Variants in ACOT12 observed in about 807,000 individuals in gnomAD.
ACOT12 encodes acyl-CoA thioesterase 12, also known as acetyl-coenzyme A thioesterase.
A neutral mutation model predicts 67.7 loss-of-function variants in ACOT12; 51 were observed. The ratio of observed to expected loss-of-function variants is 0.75; its 90% CI spans 0.60 to 0.95. The LOEUF (loss-of-function observed/expected upper bound fraction) is 0.95, where lower values mean the gene tolerates loss of function less well. Ranked by LOEUF, ACOT12 falls within the 40% of genes least tolerant of loss-of-function variation. ACOT12 has a pLI of 0.00. For synonymous variants in ACOT12, 251 were observed against 244.6 expected, an observed-to-expected ratio of 1.03 and a Z score of -0.24; for missense variants, 734 against 708.1, an observed-to-expected ratio of 1.04 and a Z score of -0.41.
chr5:81,376,127 A>C (rs1156848247), intron 2 of ACOT12, among the ~76,000 whole-genome samples: 1 of 152,182 alleles, frequency 6.6e-6, no homozygotes, highest in Non-Finnish European at 1.5e-5. Context: ...AACGGAAATC[A>C]TAACAAACAG....
chr5:81,363,729 G>A (rs1333592035), intron 4 of ACOT12, 59 bp downstream of exon 4: 13 of 1,268,084 alleles, frequency 1.0e-5, no homozygotes, highest in Non-Finnish European at 1.4e-5. Context: ...ACATTCTGAT[G>A]CAATTGTTAC....
intron 1 of ACOT12, among the ~76,000 whole-genome samples, chr5:81,389,503 G>A (rs921834337): frequency 2.6e-5 from 4 of 152,030 alleles, no homozygotes; most frequent in Non-Finnish European, 5.9e-5. Flanking sequence ...ATGCCTGGAT[G>A]TATTCTTTGT....
At chr5:81,340,667 A>G (rs1759166369) in intron 11 of ACOT12, among the ~76,000 whole-genome samples, 1 of 152,208 alleles carries the variant, frequency 6.6e-6, no homozygotes, top group Non-Finnish European at 1.5e-5. Context: ...GCCCAAAAGT[A>G]TGATTCTTAA....
chr5:81,349,136 T>TA (rs1272834885), intron 5 of ACOT12, among the ~76,000 whole-genome samples: 1 of 152,206 alleles, frequency 6.6e-6, no homozygotes, highest in East Asian at 1.9e-4. Context: ...GCCCAGCAAC[T>TA]GTTGCTGCTC....
chr5:81,366,365 A>T (rs559974255), intron 3 of ACOT12, among the ~76,000 whole-genome samples: 2 of 152,350 alleles, frequency 1.3e-5, no homozygotes, highest in African/African-American at 4.8e-5. Context: ...TAATATAAAT[A>T]AAACAACAGA....
intron 2 of ACOT12, among the ~76,000 whole-genome samples, chr5:81,377,666 A>C (rs1444201643): frequency 6.6e-6 from 1 of 152,372 alleles, no homozygotes; most frequent in East Asian, 1.9e-4. Flanking sequence ...ATCAATGTGC[A>C]AAAATCACAA....
At chr5:81,336,152 G>T (rs1036486618) in intron 11 of ACOT12, among the ~76,000 whole-genome samples, 3 of 147,296 alleles carry the variant, frequency 2.0e-5, no homozygotes, top group Non-Finnish European at 4.5e-5. Flanking sequence ...TTGCACAACA[G>T]TTTTTTTTTT....
chr5:81,347,775 T>C lies in ACOT12; in HGVS notation c.652A>G (p.Ser218Gly), dbSNP rs568765810. ...WMETVATISA[S>G]RLCWAHPFLK... ...AGGCCGAAGGTCAAAACCAAGAACC[T>C]TGCAGAAATAGTAGCCACTGTCTCC... Residue 218 changes from serine (S) to glycine (G), a missense_variant and splice_region_variant, in exon 6 of 15, where the codon AGC (serine) becomes GGC (glycine). By Grantham distance (56) the Ser-to-Gly change is moderately conservative (BLOSUM62 0). Transcript: ENST00000307624. 4.3e-6 allele frequency: 7 copies of C among 1,613,826 alleles called. 1 individual carries two copies. In the African/African-American group the frequency reaches 5.3e-5, roughly 12 times the overall value.
chr5:81,366,739 A>G (rs1386374266), intron 3 of ACOT12, among the ~76,000 whole-genome samples: 4 of 152,208 alleles, frequency 2.6e-5, no homozygotes, highest in Non-Finnish European at 5.9e-5. Flanking sequence ...GTAAAAAAAT[A>G]CAACATCTGA....
intron 4 of ACOT12, among the ~76,000 whole-genome samples, chr5:81,362,163 CTTTTT>C (rs529301882): frequency 2.3e-5 from 3 of 131,628 alleles, no homozygotes; most frequent in African/African-American, 5.8e-5. Flanking sequence ...CTATTATATT[CTTTTT>C]TTTTTTTTTT....
chr5:81,333,528 A>G (rs1272244829), intron 12 of ACOT12, among the ~76,000 whole-genome samples: 4 of 152,222 alleles, frequency 2.6e-5, no homozygotes, highest in Non-Finnish European at 5.9e-5. Flanking sequence ...AGTTAGTTGG[A>G]TTAGAATTCA....
chr5:81,335,311 T>G (rs970181546), intron 12 of ACOT12, among the ~76,000 whole-genome samples: 6 of 152,176 alleles, frequency 3.9e-5, no homozygotes, highest in African/African-American at 1.4e-4. Context: ...TGAGTATAAT[T>G]TTTGTTTTGT....
Position 81,342,670 on chromosome 5 carries a change from A to G in ACOT12, c.1128+2T>C. 1.2e-6 allele frequency: 2 copies of G among 1,614,054 alleles called. No individual in the cohort carries two copies. Among genetic ancestry groups the G allele is most frequent in the East Asian group, 2.2e-5 (1 of 44,892 alleles). On this transcript the variant is annotated splice_donor_variant, in intron 11 of 14. Coordinates refer to ENST00000307624, the MANE Select transcript of ACOT12 (RefSeq NM_130767.3). LOFTEE classifies it high-confidence loss of function. Reference sequence around the variant, plus strand: ...TTATGCAAATACCTGGAAGTGTCCTACCTTTTCCACAGTGCTGGTAACCTC... The same window carrying G: ...TTATGCAAATACCTGGAAGTGTCCTGCCTTTTCCACAGTGCTGGTAACCTC...
chr5:81,377,189 A>G (rs1580587276), intron 2 of ACOT12, among the ~76,000 whole-genome samples: 1 of 152,166 alleles, frequency 6.6e-6, no homozygotes, highest in African/African-American at 2.4e-5. Flanking sequence ...TTCAACATAC[A>G]CAAATCAATA....
chr5:81,374,172 T>G (rs1760339513), intron 2 of ACOT12, among the ~76,000 whole-genome samples: 1 of 152,200 alleles, frequency 6.6e-6, no homozygotes, highest in African/African-American at 2.4e-5. Context: ...TTCTGCAGCC[T>G]CTGCTGGGAA....
At chr5:81,346,738 C>T (rs1292645986) in intron 6 of ACOT12, among the ~76,000 whole-genome samples, 1 of 152,234 alleles carries the variant, frequency 6.6e-6, no homozygotes, top group South Asian at 2.1e-4. Context: ...AAAACAAGCT[C>T]TCTTATTTGT....
At chr5:81,381,213 C>G (rs188345094) in intron 2 of ACOT12, among the ~76,000 whole-genome samples, 1 of 151,992 alleles carries the variant, frequency 6.6e-6, no homozygotes, top group Admixed American at 6.6e-5. Flanking sequence ...ATTACAGGCG[C>G]GTGCCACCAC....
the ACOT12 span, chr5:81,311,359 T>A: frequency 1.5e-6 from 2 of 1,372,060 alleles, no homozygotes; most frequent in Non-Finnish European, 2.1e-6. Flanking sequence ...TATTAATAAC[T>A]CAATTGGGAT....
chr5:81,333,604 G>C (rs1286918412), intron 12 of ACOT12, among the ~76,000 whole-genome samples: 2 of 152,114 alleles, frequency 1.3e-5, no homozygotes. Flanking sequence ...AGAGATAGTG[G>C]GAGAAACATT....
Sources: gnomAD v4.1 joint callset for allele counts (sites outside exome capture counted in the v4.1 genomes callset) on GRCh38, gnomAD v4.1.1 for gene constraint, MANE v1.5 for transcripts, NCBI Gene and HGNC (gene_info 2026-07-23, HGNC 2026-07-21) for gene names.